The following PIK3C3 variants were observed in gnomAD, a reference collection of about 807,000 sequenced individuals.
PIK3C3 encodes phosphatidylinositol 3-kinase catalytic subunit type 3, also known as PI3-kinase type 3.
A neutral mutation model predicts 126.1 loss-of-function variants in PIK3C3; 95 were observed. The observed-to-expected ratio is 0.75, with a 90% CI of 0.64 to 0.89. The LOEUF (loss-of-function observed/expected upper bound fraction) is 0.89. Ranked by LOEUF, PIK3C3 falls within the 40% of genes least tolerant of loss-of-function variation. The pLI is 0.00. For synonymous variants in PIK3C3, 374 were observed against 360.0 expected (o/e 1.04, Z -0.44); for missense variants, 829 against 1,063.2 (o/e 0.78, Z 3.06).
intron 15 of PIK3C3, among the ~76,000 whole-genome samples, chr18:42,033,291 A>G (rs905821809): frequency 2.6e-5 from 4 of 152,342 alleles, no homozygotes; most frequent in African/African-American, 7.2e-5. Context: ...AAGAAAATGA[A>G]TGATGATGAT....
intron 24 of PIK3C3, among the ~76,000 whole-genome samples, chr18:42,078,802 T>G (rs1316997980): frequency 6.6e-6 from 1 of 152,234 alleles, no homozygotes. Flanking sequence ...TGGAGATAGC[T>G]TCTTTCTTTA....
At chr18:41,970,509 G>A (rs1272776707) in intron 4 of PIK3C3, 53 bp downstream of exon 4, 1 of 1,498,696 alleles carries the variant, frequency 6.7e-7, no homozygotes, top group African/African-American at 1.4e-5. Context: ...GTCTATTGTA[G>A]TATATATACC....
Position 42,087,112 on chromosome 18 carries a change from T to C in PIK3C3, c.*5975T>C, listed in dbSNP as rs1388734799. 1 of 152,004 alleles carries C rather than the reference T, an allele frequency of 6.6e-6. No homozygotes were observed. Among genetic ancestry groups the C allele is most frequent in the Non-Finnish European group, 1.5e-5 (1 of 68,016 alleles). The allele number at this position is 152,004 out of a possible 1,614,324, so 9.4% of individuals were successfully genotyped here. On this transcript the variant is annotated 3_prime_UTR_variant, in exon 25 of 25. Transcript: ENST00000262039. ...ATTGTCTGGAGTACATACCCTGGGGTTCATTGTTATAGGAGAATTTAGGAC... is the reference window on the plus strand; with the variant it reads ...ATTGTCTGGAGTACATACCCTGGGGCTCATTGTTATAGGAGAATTTAGGAC...
chr18:42,064,250 G>C (rs1302528484), intron 22 of PIK3C3, among the ~76,000 whole-genome samples: 3 of 152,112 alleles, frequency 2.0e-5, no homozygotes, highest in Admixed American at 2.0e-4. Context: ...TGTAGTTCCT[G>C]AAATGATGAT....
intron 10 of PIK3C3, among the ~76,000 whole-genome samples, chr18:42,012,935 A>T (rs1982896583): frequency 6.6e-6 from 1 of 152,124 alleles, no homozygotes; most frequent in Admixed American, 6.6e-5. Flanking sequence ...AAGAAAACAG[A>T]TGATTTTTAA....
chr18:42,078,681 T>C (rs1986127907), intron 24 of PIK3C3, among the ~76,000 whole-genome samples: 1 of 152,222 alleles, frequency 6.6e-6, no homozygotes, highest in Admixed American at 6.5e-5. Flanking sequence ...TTCATCTGCA[T>C]TGAAAACCTG....
chr18:42,067,916 C>T (rs112112069), intron 24 of PIK3C3, among the ~76,000 whole-genome samples: 2,571 of 152,296 alleles, frequency 0.017, 26 homozygotes, highest in Non-Finnish European at 0.024. Flanking sequence ...AAAGGTCTAT[C>T]CATAGACTTA....
At chr18:42,072,656 C>T (rs1185182280) in intron 24 of PIK3C3, among the ~76,000 whole-genome samples, 1 of 152,038 alleles carries the variant, frequency 6.6e-6, no homozygotes, top group African/African-American at 2.4e-5. Flanking sequence ...CTCAGCCTCC[C>T]TGGTAGCTAG....
At chr18:42,021,499 G>A (rs1046031580) in intron 13 of PIK3C3, among the ~76,000 whole-genome samples, 1 of 152,096 alleles carries the variant, frequency 6.6e-6, no homozygotes, top group African/African-American at 2.4e-5. Flanking sequence ...TAACTTTACG[G>A]AGCAAACAAA....
At chr18:42,007,112 C>A (rs1982587344) in intron 10 of PIK3C3, among the ~76,000 whole-genome samples, 1 of 152,092 alleles carries the variant, frequency 6.6e-6, no homozygotes, top group African/African-American at 2.4e-5. Context: ...TCGTGATCCG[C>A]CCCCATCGGC....
intron 23 of PIK3C3, among the ~76,000 whole-genome samples, chr18:42,066,688 T>C (rs1422976886): frequency 6.6e-6 from 1 of 152,212 alleles, no homozygotes; most frequent in African/African-American, 2.4e-5. Flanking sequence ...TTCAGTAACA[T>C]TGACTTTTAT....
At chr18:41,995,197 A>G (rs1282468094) in intron 7 of PIK3C3, among the ~76,000 whole-genome samples, 1 of 152,150 alleles carries the variant, frequency 6.6e-6, no homozygotes, top group Non-Finnish European at 1.5e-5. Flanking sequence ...GACAGTTAAC[A>G]AACTGGGAGA....
intron 4 of PIK3C3, among the ~76,000 whole-genome samples, chr18:41,981,200 T>C (rs1342579722): frequency 1.3e-5 from 2 of 152,220 alleles, no homozygotes; most frequent in African/African-American, 4.8e-5. Flanking sequence ...TTAATCACTT[T>C]GGTTTGCTTA....
intron 24 of PIK3C3, among the ~76,000 whole-genome samples, chr18:42,076,194 A>ACATATATATATG (rs1568013956): frequency 2.0e-5 from 2 of 99,532 alleles, no homozygotes; most frequent in African/African-American, 5.8e-5. Flanking sequence ...ATATATATGC[A>ACATATATATATG]CACATATATA....
chr18:42,017,418 T>C (rs1983125235), intron 12 of PIK3C3, among the ~76,000 whole-genome samples: 1 of 152,124 alleles, frequency 6.6e-6, no homozygotes, highest in Non-Finnish European at 1.5e-5. Flanking sequence ...GAGAAGAAGT[T>C]GTATTTCCCA....
chr18:41,960,605 G>T (rs779864550), intron 2 of PIK3C3, among the ~76,000 whole-genome samples: 1 of 152,130 alleles, frequency 6.6e-6, no homozygotes, highest in African/African-American at 2.4e-5. Flanking sequence ...AGCGGATGGG[G>T]TAGGGATGAT....
rs986201588 is a variant in PIK3C3, at chr18:42,085,397, T to A, written c.*4260T>A. 2.6e-5 allele frequency: 4 copies of A among 152,062 alleles called. No individual in the cohort carries two copies. Among genetic ancestry groups the A allele is most frequent in the Non-Finnish European group, 5.9e-5 (4 of 67,994 alleles). 9.4% of individuals were successfully genotyped at this position (152,062 alleles called of 1,614,324 possible). On this transcript the variant is annotated 3_prime_UTR_variant, in exon 25 of 25. Transcript: ENST00000262039. ...TATGAATAAATAGTCTAGAAAAAAA[T>A]TTAGGAAAAATTGCCATGAAATCAT...
chr18:42,029,148 G>A (rs947611595), intron 14 of PIK3C3, among the ~76,000 whole-genome samples, 177 bp from the exon 15 acceptor site: 2 of 152,176 alleles, frequency 1.3e-5, no homozygotes, highest in Admixed American at 1.3e-4. Flanking sequence ...GATTAGTGGT[G>A]TTTAACTAAG....
chr18:42,065,363 C>T (rs1236391420), intron 23 of PIK3C3, among the ~76,000 whole-genome samples: 1 of 151,940 alleles, frequency 6.6e-6, no homozygotes, highest in African/African-American at 2.4e-5. Flanking sequence ...AAAATAAATG[C>T]ATAATTACTG....
Sources: allele counts gnomAD v4.1 joint callset (sites outside exome capture counted in the v4.1 genomes callset), GRCh38; gene constraint gnomAD v4.1.1; transcripts MANE v1.5; gene names NCBI Gene and HGNC (gene_info 2026-07-23, HGNC 2026-07-21).